SND1: variants seen among roughly 807,000 people sequenced by gnomAD.
SND1 encodes the protein staphylococcal nuclease and tudor domain containing 1.
In SND1, 38 loss-of-function variants were observed where a neutral mutation model predicts 121.7. That is an observed-to-expected ratio of 0.31 (90% CI 0.24 to 0.41). The LOEUF is 0.41. Ranked by LOEUF, SND1 falls within the 10% of genes least tolerant of loss-of-function variation. The probability of loss-of-function intolerance (pLI) is 1.00; values close to 1 mark genes in which losing one functional copy is unlikely to be tolerated. For missense variants in SND1, 868 were observed against 1,184.6 expected, an observed-to-expected ratio of 0.73 and a Z score of 3.92; for synonymous variants, 401 against 447.4, an observed-to-expected ratio of 0.90 and a Z score of 1.31.
intron 2 of SND1, among the ~76,000 whole-genome samples, chr7:127,693,996 A>G (rs1247936781): frequency 6.6e-6 from 1 of 152,140 alleles, no homozygotes. Flanking sequence ...CTCTGCTTCT[A>G]CTGTGTGGAT....
intron 11 of SND1, among the ~76,000 whole-genome samples, chr7:127,835,627 A>C (rs1798853510): frequency 6.8e-6 from 1 of 148,088 alleles, no homozygotes; most frequent in Non-Finnish European, 1.5e-5. Flanking sequence ...GGTGTGAGTT[A>C]TGCCTGTGAT....
chr7:127,788,650 A>G (rs1281892852), intron 10 of SND1, among the ~76,000 whole-genome samples: 1 of 152,184 alleles, frequency 6.6e-6, no homozygotes, highest in Non-Finnish European at 1.5e-5. Context: ...TCCAGTGGGC[A>G]TGTTTTGGTC....
In SND1 at chr7:128,084,828, A is replaced by G. The variant is rs780638589; in HGVS notation, c.2215A>G (p.Lys739Glu). Residue 739 changes from lysine (K) to glutamate (E), a missense_variant, in exon 19 of 24, where the codon AAA becomes GAA. Lys to Glu is a moderately conservative substitution (Grantham distance 56, BLOSUM62 1). Transcript: ENST00000354725. ...APRRGEFCIA[K>E]FVDGEWYRAR... Reference sequence around the variant, plus strand: ...CCGCAGGGGAGAGTTCTGCATTGCCAAATTTGTAGATGGAGAATGGTAAGC... The same window carrying G: ...CCGCAGGGGAGAGTTCTGCATTGCCGAATTTGTAGATGGAGAATGGTAAGC... The G allele has an allele frequency of 1.3e-6, 2 of 1,599,334 alleles. No homozygotes were observed. Among genetic ancestry groups the G allele is most frequent in the South Asian group, 2.2e-5 (2 of 89,730 alleles).
At chr7:127,926,767 A>T (rs1344643898) in intron 14 of SND1, among the ~76,000 whole-genome samples, 2 of 125,946 alleles carry the variant, frequency 1.6e-5, no homozygotes, top group African/African-American at 2.9e-5. Context: ...TTGTTGTTGT[A>T]CTTTTAGTAG....
chr7:127,924,831 G>A (rs1283046516), intron 14 of SND1, among the ~76,000 whole-genome samples: 1 of 152,194 alleles, frequency 6.6e-6, no homozygotes, highest in East Asian at 1.9e-4. Context: ...AACTGCTGAA[G>A]GGGATATCTT....
intron 14 of SND1, among the ~76,000 whole-genome samples, chr7:127,913,533 T>C (rs919138875): frequency 2.6e-5 from 4 of 152,244 alleles, no homozygotes; most frequent in African/African-American, 7.2e-5. Flanking sequence ...GTCCATGCTC[T>C]TCGGTTGTTC....
chr7:128,033,123 C>G (rs1225736085), intron 16 of SND1, among the ~76,000 whole-genome samples: 1 of 152,198 alleles, frequency 6.6e-6, no homozygotes, highest in South Asian at 2.1e-4. Flanking sequence ...GCCAGCCCTT[C>G]CTTGGCTAGG....
intron 1 of SND1, among the ~76,000 whole-genome samples, chr7:127,682,037 A>C (rs2116293467): frequency 6.6e-6 from 1 of 152,322 alleles, no homozygotes; most frequent in Non-Finnish European, 1.5e-5. Flanking sequence ...ATTGACATAC[A>C]AATTTCTGTA....
At chr7:128,030,594 G>C (rs1352263294) in intron 16 of SND1, 1 of 1,596,154 alleles carries the variant, frequency 6.3e-7, no homozygotes, top group East Asian at 2.2e-5. Context: ...GAGCAGGATG[G>C]CATTCCAGGT....
At chr7:127,755,811 G>A (rs1258670391) in intron 10 of SND1, among the ~76,000 whole-genome samples, 1 of 152,212 alleles carries the variant, frequency 6.6e-6, no homozygotes, top group Non-Finnish European at 1.5e-5. Flanking sequence ...TGTAACACAA[G>A]CTGACAAGAC....
intron 13 of SND1, chr7:127,904,259 A>G (rs1800290037): frequency 6.6e-6 from 1 of 152,482 alleles, no homozygotes; most frequent in South Asian, 2.1e-4. Context: ...CTGTTACATG[A>G]CTTTTCTCTA....
intron 18 of SND1, 32 bp from the exon 19 acceptor site, chr7:128,084,692 C>T (rs1460550303): frequency 8.2e-6 from 13 of 1,588,500 alleles, no homozygotes; most frequent in Admixed American, 3.4e-5. Flanking sequence ...AACCCAGCAC[C>T]CAGGTCTCAC....
intron 14 of SND1, among the ~76,000 whole-genome samples, chr7:127,924,642 G>T (rs913510408): frequency 6.6e-6 from 1 of 152,076 alleles, no homozygotes; most frequent in Admixed American, 6.6e-5. Context: ...TGTCTGGGGT[G>T]GTGGTCTTTC....
At chr7:127,680,878 A>T (rs909181287) in intron 1 of SND1, among the ~76,000 whole-genome samples, 2 of 151,964 alleles carry the variant, frequency 1.3e-5, no homozygotes, top group Non-Finnish European at 2.9e-5. Flanking sequence ...ATTTATGTTT[A>T]GAGATTGCAG....
At chr7:127,929,477 G>A in intron 15 of SND1, 148 bp downstream of exon 15, 5 of 786,506 alleles carry the variant, frequency 6.4e-6, no homozygotes, top group Non-Finnish European at 1.0e-5. Context: ...ACAGTTTCTA[G>A]ATTGGATCCT....
chr7:128,040,825 C>T (rs1792842240), intron 16 of SND1, among the ~76,000 whole-genome samples: 1 of 152,256 alleles, frequency 6.6e-6, no homozygotes, highest in Non-Finnish European at 1.5e-5. Context: ...TACCAGCTTT[C>T]TTGATCTGTT....
At chr7:127,963,286 G>T (rs144033659) in intron 15 of SND1, among the ~76,000 whole-genome samples, 2,547 of 150,216 alleles carry the variant, frequency 0.017, 25 homozygotes, top group Non-Finnish European at 0.026. Flanking sequence ...TAAGTTTTAG[G>T]GTACATGTGC....
chr7:127,798,146 ACG>A (rs1798059827), intron 10 of SND1, among the ~76,000 whole-genome samples: 1 of 152,218 alleles, frequency 6.6e-6, no homozygotes. Flanking sequence ...ACTGGAGATA[ACG>A]GGTCAGGCTC....
chr7:127,941,668 C>G (rs1801205609), intron 15 of SND1, among the ~76,000 whole-genome samples: 1 of 152,156 alleles, frequency 6.6e-6, no homozygotes, highest in African/African-American at 2.4e-5. Flanking sequence ...CGGTTATTAA[C>G]TCCACTGATA....
Sources: allele counts gnomAD v4.1 joint callset (sites outside exome capture counted in the v4.1 genomes callset), GRCh38; gene constraint gnomAD v4.1.1; transcripts MANE v1.5; gene names NCBI Gene and HGNC (gene_info 2026-07-23, HGNC 2026-07-21).